The following NDE1 variants were observed in gnomAD, a reference collection of about 807,000 sequenced individuals.
NDE1 encodes the protein nudE neurodevelopment protein 1.
A neutral mutation model predicts 43.4 loss-of-function variants in NDE1; 28 were observed. That is an observed-to-expected ratio of 0.65 (90% confidence interval 0.48 to 0.89). NDE1 has a LOEUF of 0.89. Ranked by LOEUF, NDE1 falls within the 40% of genes least tolerant of loss-of-function variation. The pLI, the probability that NDE1 is intolerant of heterozygous loss-of-function variation, is 0.00. For missense variants in NDE1, 441 were observed against 434.1 expected, an observed-to-expected ratio of 1.02 and a Z score of -0.14; for synonymous variants, 184 against 172.0, an observed-to-expected ratio of 1.07 and a Z score of -0.55.
chr16:15,719,024 A>C, intron 8 of NDE1: 1 of 637,342 alleles, frequency 1.6e-6, no homozygotes, highest in Non-Finnish European at 2.8e-6. Context: ...GCTACTCAGA[A>C]GGCTGAGGCA....
intron 8 of NDE1, chr16:15,720,387 A>G (rs1379017839): frequency 6.5e-7 from 1 of 1,539,652 alleles, no homozygotes; most frequent in Non-Finnish European, 8.8e-7. Context: ...GCAGCACATC[A>G]CTGCACCCCT....
At chr16:15,668,559 G>A (rs1364797354) in intron 3 of NDE1, among the ~76,000 whole-genome samples, 3 of 152,150 alleles carry the variant, frequency 2.0e-5, no homozygotes, top group African/African-American at 7.2e-5. Context: ...GCCACCACCT[G>A]GCCAGGGAGA....
chr16:15,723,013 G>A (rs1440511367), intron 8 of NDE1, among the ~76,000 whole-genome samples: 1 of 152,144 alleles, frequency 6.6e-6, no homozygotes, highest in Non-Finnish European at 1.5e-5. Context: ...CAAAGTGCTA[G>A]GATTACAGGC....
At chr16:15,680,391 G>C (rs533109524) in intron 4 of NDE1, among the ~76,000 whole-genome samples, 4 of 152,100 alleles carry the variant, frequency 2.6e-5, no homozygotes, top group Admixed American at 6.6e-5. Context: ...TTTTCTAAGC[G>C]TTGTTTTCCA....
Position 15,696,706 on chromosome 16 carries a change from C to T in NDE1, c.796-3C>T, listed in dbSNP as rs753080975. 6.8e-6 allele frequency: 11 copies of T among 1,614,072 alleles called. No individual in the cohort carries two copies. The Admixed American group carries it at 1.2e-4, about 17-fold the overall frequency. On this transcript the variant is annotated splice_polypyrimidine_tract_variant and splice_region_variant and intron_variant, in intron 7 of 8. Coordinates refer to ENST00000396354, the MANE Select transcript of NDE1 (RefSeq NM_017668.3). ...TGAGAGATAAAAGTGTATTTCTGTC[C>T]AGGCACTGGAGTCCAAACTCGCTTC... is the stretch of plus-strand genomic sequence containing the variant.
At chr16:15,711,702 T>G (rs2039805469) in intron 8 of NDE1, among the ~76,000 whole-genome samples, 1 of 151,508 alleles carries the variant, frequency 6.6e-6, no homozygotes, top group East Asian at 1.9e-4. Flanking sequence ...CACTGGAGAT[T>G]TTTTTTTTGA....
At chr16:15,716,324 T>TA (rs1300907346) in intron 8 of NDE1, among the ~76,000 whole-genome samples, 1 of 152,130 alleles carries the variant, frequency 6.6e-6, no homozygotes, top group Non-Finnish European at 1.5e-5. Flanking sequence ...GCCCTTGAAT[T>TA]ATACACTTTA....
chr16:15,717,098 CA>C, intron 8 of NDE1: 1 of 1,600,758 alleles, frequency 6.2e-7, no homozygotes. Context: ...TGCTGTCCAT[CA>C]CCCCCCTGCA....
intron 8 of NDE1, among the ~76,000 whole-genome samples, chr16:15,706,726 CTGA>C (rs1387578536): frequency 6.6e-6 from 1 of 151,892 alleles, no homozygotes; most frequent in Admixed American, 6.6e-5. Flanking sequence ...AAAAAAAAAT[CTGA>C]TGAGCTGGGA....
chr16:15,714,362 G>T (rs1326170220), intron 8 of NDE1: 1 of 172,382 alleles, frequency 5.8e-6, no homozygotes, highest in Non-Finnish European at 1.3e-5. Flanking sequence ...ATTGCAGGGT[G>T]GTGGGGGACT....
chr16:15,677,723 C>A, intron 3 of NDE1, 78 bp from the exon 4 acceptor site: 1 of 1,540,232 alleles, frequency 6.5e-7, no homozygotes. Flanking sequence ...AGCTGTGACT[C>A]CAGGTGGATG....
intron 1 of NDE1, among the ~76,000 whole-genome samples, chr16:15,657,472 G>T (rs866968820): frequency 6.6e-6 from 1 of 152,170 alleles, no homozygotes; most frequent in African/African-American, 2.4e-5. Context: ...TATAGAATTG[G>T]TTTGATGAGT....
chr16:15,667,821 G>A (rs2037395220), intron 3 of NDE1, among the ~76,000 whole-genome samples: 1 of 151,862 alleles, frequency 6.6e-6, no homozygotes, highest in Non-Finnish European at 1.5e-5. Flanking sequence ...TTGTAGTAGA[G>A]ACGGGGTTTT....
At chr16:15,644,412 A>G (rs2036256629) in intron 1 of NDE1, among the ~76,000 whole-genome samples, 1 of 152,202 alleles carries the variant, frequency 6.6e-6, no homozygotes, top group African/African-American at 2.4e-5. Flanking sequence ...TTGTGCCTGT[A>G]TTTAATTTTC....
chr16:15,709,943 G>A (rs750808355), intron 8 of NDE1, among the ~76,000 whole-genome samples: 9 of 152,092 alleles, frequency 5.9e-5, no homozygotes, highest in African/African-American at 1.2e-4. Context: ...GGCTTGTGTC[G>A]AGATGCGTCT....
intron 3 of NDE1, among the ~76,000 whole-genome samples, chr16:15,676,971 C>T (rs548768812): frequency 6.6e-6 from 1 of 152,230 alleles, no homozygotes; most frequent in East Asian, 1.9e-4. Flanking sequence ...CTTGCTTTGG[C>T]TGTGGACACC....
chr16:15,717,592 C>T (rs1461031245), intron 8 of NDE1: 7 of 586,716 alleles, frequency 1.2e-5, no homozygotes, highest in Admixed American at 6.0e-5. Context: ...CTCAGGAGTT[C>T]GAGACCTGCC....
Position 15,710,856 on chromosome 16 carries a change from T to G in NDE1, c.948-13335T>G, listed in dbSNP as rs765770674. Among the ~76,000 whole-genome samples the G allele has an allele frequency of 4.6e-5, 7 of 152,134 alleles. No individual in the cohort carries two copies. The South Asian group carries it at 1.2e-3, about 27-fold the overall frequency. ...CCACGCCTAGCTGATTTTTGTGTTT[T>G]TAGTAGAGATGAAGTTTCACCATGT... On this transcript the variant is annotated intron_variant, in intron 8 of 8. Coordinates refer to ENST00000396354, the MANE Select transcript of NDE1 (RefSeq NM_017668.3).
In NDE1 at chr16:15,667,073, C is replaced by A. The variant is rs541243609; in HGVS notation, c.84-213C>A. On this transcript the variant is annotated intron_variant, in intron 2 of 8. Coordinates refer to ENST00000396354, the MANE Select transcript of NDE1 (RefSeq NM_017668.3). ...CCAGCCTGGCCAACATGGTGAAACC[C>A]CGTCACTACTAAAAATACAAAAATT... Among the ~76,000 whole-genome samples the A allele has an allele frequency of 6.5e-4, 99 of 152,172 alleles. 1 individual carries two copies. Among genetic ancestry groups the A allele is most frequent in the African/African-American group, 2.0e-3 (81 of 41,526 alleles).
Sources: allele counts gnomAD v4.1 joint callset (sites outside exome capture counted in the v4.1 genomes callset), GRCh38; gene constraint gnomAD v4.1.1; transcripts MANE v1.5; gene names NCBI Gene and HGNC (gene_info 2026-07-23, HGNC 2026-07-21).